NR6A1: variants seen among roughly 807,000 people sequenced by gnomAD.
NR6A1 encodes nuclear receptor subfamily 6 group A member 1.
NR6A1 carries 7 observed loss-of-function variants against 59.1 expected under a neutral mutation model. The ratio of observed to expected loss-of-function variants is 0.12; its 90% CI spans 0.07 to 0.22. NR6A1 has a LOEUF of 0.22. NR6A1 is among the 10% of genes least tolerant of loss of function. The pLI, the probability that NR6A1 is intolerant of heterozygous loss-of-function variation, is 1.00. For synonymous variants in NR6A1, 243 were observed against 236.1 expected (o/e 1.03, Z -0.27); for missense variants, 468 against 611.6 (o/e 0.77, Z 2.48).
At chr9:124,757,811 G>A (rs1237671308) in intron 1 of NR6A1, among the ~76,000 whole-genome samples, 1 of 152,148 alleles carries the variant, frequency 6.6e-6, no homozygotes, top group Non-Finnish European at 1.5e-5. Flanking sequence ...TTCCAAACAA[G>A]GCATTTGAAA....
In NR6A1 at chr9:124,733,333, T is replaced by C. The variant is rs1401785099; in HGVS notation, c.117A>G (p.Glu39=). The part of the protein sequence containing the change: ...PPPRNGFCQD[E]LAELDPGTIS... ...TAGTGCCTGGGTCAAGCTCTGCCAA[T>C]TCATCCTGACAGAAACCTAAAGAGA... The change falls in exon 2 of 10, where the codon GAA becomes GAG. Residue 39 remains glutamate (E), a synonymous_variant. Transcript: ENST00000487099. 6.2e-7 allele frequency: 1 copy of C among 1,613,116 alleles called. No individual in the cohort carries two copies. The highest frequency in any genetic ancestry group is 8.5e-7 in the Non-Finnish European group (1 of 1,179,166).
chr9:124,663,025 A>G (rs1172258575), intron 2 of NR6A1, among the ~76,000 whole-genome samples: 2 of 152,272 alleles, frequency 1.3e-5, no homozygotes, highest in Non-Finnish European at 2.9e-5. Flanking sequence ...AGAAGCATAC[A>G]GAAAAACTTT....
chr9:124,731,795 C>A (rs1385594500), intron 2 of NR6A1, among the ~76,000 whole-genome samples: 7 of 152,086 alleles, frequency 4.6e-5, no homozygotes, highest in African/African-American at 1.7e-4. Flanking sequence ...ATATAACATA[C>A]AAAATTATGT....
At chr9:124,626,085 C>T (rs983196827) in intron 2 of NR6A1, among the ~76,000 whole-genome samples, 3 of 152,242 alleles carry the variant, frequency 2.0e-5, no homozygotes, top group Non-Finnish European at 2.9e-5. Context: ...CAGCTTACTG[C>T]AACCTCTGCC....
intron 2 of NR6A1, among the ~76,000 whole-genome samples, chr9:124,704,323 T>C (rs189520118): frequency 9.9e-5 from 15 of 152,232 alleles, no homozygotes; most frequent in Non-Finnish European, 1.5e-5. Context: ...GTTTCACTGA[T>C]TTTTCTCAAC....
intron 1 of NR6A1, among the ~76,000 whole-genome samples, chr9:124,765,359 G>A (rs1840901194): frequency 6.6e-6 from 1 of 152,030 alleles, no homozygotes; most frequent in African/African-American, 2.4e-5. Context: ...TATTAAAACA[G>A]CCCCCGAAAT....
chr9:124,580,389 TGAG>T (rs1204966420), intron 2 of NR6A1, among the ~76,000 whole-genome samples: 1 of 152,098 alleles, frequency 6.6e-6, no homozygotes, highest in Non-Finnish European at 1.5e-5. Context: ...AGCAGTCAGC[TGAG>T]GGTATGACCA....
chr9:124,540,336 T>C, intron 4 of NR6A1, 149 bp from the exon 5 acceptor site: 1 of 831,496 alleles, frequency 1.2e-6, no homozygotes, highest in Non-Finnish European at 1.8e-6. Context: ...TCACTAATCT[T>C]AGGACGGCGT....
chr9:124,573,269 T>G lies in NR6A1; in HGVS notation c.143-18699A>C, dbSNP rs531588914. On this transcript the variant is annotated intron_variant, in intron 2 of 9. Transcript: ENST00000487099. ...TGTAATTTCTCCTACATGGGTAAAA[T>G]TTCAGTGCTTCAGTGCTTAAAGGGG... Among the ~76,000 whole-genome samples the G allele has an allele frequency of 1.6e-4, 24 of 152,250 alleles. No homozygotes were observed. In the South Asian group the frequency reaches 4.8e-3, roughly 30 times the overall value.
chr9:124,670,272 G>A lies in NR6A1; in HGVS notation c.142+63036C>T, dbSNP rs1445320732. 5.3e-5 allele frequency among the ~76,000 whole-genome samples: 8 copies of A among 151,510 alleles called. 1 individual carries two copies. Among genetic ancestry groups the A allele is most frequent in the Admixed American group, 3.3e-4 (5 of 15,212 alleles). Reference sequence around the variant, plus strand: ...CCAGCTGTGATGGCACATGCCTACCGTCCCAGCTACTTGAGAGGCTGAGGC... The same window carrying A: ...CCAGCTGTGATGGCACATGCCTACCATCCCAGCTACTTGAGAGGCTGAGGC... On this transcript the variant is annotated intron_variant, in intron 2 of 9. Coordinates refer to ENST00000487099, the MANE Select transcript of NR6A1 (RefSeq NM_033334.4).
chr9:124,656,558 C>T (rs1290260316), intron 2 of NR6A1, among the ~76,000 whole-genome samples: 2 of 152,038 alleles, frequency 1.3e-5, no homozygotes, highest in African/African-American at 2.4e-5. Flanking sequence ...AGGCTAGGCA[C>T]GGTGGGCTCA....
rs890133184 is a variant in NR6A1, at chr9:124,764,150, C to T, written c.100+6870G>A. Among the ~76,000 whole-genome samples the T allele has an allele frequency of 3.3e-5, 5 of 151,070 alleles. 1 individual carries two copies. In the South Asian group the frequency reaches 1.0e-3, roughly 32 times the overall value. ...AGTGAGCAGAGATCGCACCGCTGCA[C>T]TCCAGCCTGGGCAACAGAGTGAGAC... On this transcript the variant is annotated intron_variant, in intron 1 of 9. Coordinates refer to ENST00000487099, the MANE Select transcript of NR6A1 (RefSeq NM_033334.4).
intron 3 of NR6A1, among the ~76,000 whole-genome samples, chr9:124,553,549 C>CTTTTTTTTTTTTTTGTTTTTTT (rs1833840864): frequency 2.1e-5 from 1 of 47,324 alleles, no homozygotes; most frequent in Non-Finnish European, 4.0e-5. Context: ...TTTAGCTTGA[C>CTTTTTTTTTTTTTTGTTTTTTT]TTTTTTTTTT....
At position 124,707,113 on chromosome 9, in the gene NR6A1, T is replaced by C. The variant is rs560198366; in HGVS notation, c.142+26195A>G. 3.6e-4 allele frequency among the ~76,000 whole-genome samples: 55 copies of C among 151,848 alleles called. 1 individual carries two copies. The highest frequency in any genetic ancestry group is 6.8e-4 in the Non-Finnish European group (46 of 68,030). On this transcript the variant is annotated intron_variant, in intron 2 of 9. Transcript: ENST00000487099. ...AATATTTTCCTGCCCCTTTCTCTCA[T>C]TCTTCTCCTCCCATGAGTCTCATTA... is the stretch of plus-strand genomic sequence containing the variant.
At chr9:124,617,938 G>C (rs1197905612) in intron 2 of NR6A1, among the ~76,000 whole-genome samples, 1 of 152,076 alleles carries the variant, frequency 6.6e-6, no homozygotes, top group African/African-American at 2.4e-5. Context: ...ATATATACTG[G>C]CCATGCCAAA....
chr9:124,757,318 A>G (rs1840660557), intron 1 of NR6A1, among the ~76,000 whole-genome samples: 1 of 152,200 alleles, frequency 6.6e-6, no homozygotes, highest in Admixed American at 6.5e-5. Context: ...CCAGCAATGA[A>G]AAACAATGGG....
intron 1 of NR6A1, among the ~76,000 whole-genome samples, chr9:124,749,093 T>C (rs1393792400): frequency 6.6e-6 from 1 of 151,872 alleles, no homozygotes; most frequent in East Asian, 1.9e-4. Flanking sequence ...AGAAACTCCA[T>C]CTCTACTAAA....
At chr9:124,603,553 T>A (rs1168035647) in intron 2 of NR6A1, among the ~76,000 whole-genome samples, 1 of 152,200 alleles carries the variant, frequency 6.6e-6, no homozygotes, top group African/African-American at 2.4e-5. Flanking sequence ...GATCAATATG[T>A]CATTTGCTGG....
chr9:124,519,406 A>G lies in NR6A1; in HGVS notation c.*3299T>C, dbSNP rs1832750535. ...ATTTCTCCAGATTAACGACGAGACC[A>G]CCAAACCTTGCAAAGGACTCCAAAA... is the stretch of plus-strand genomic sequence containing the variant. On this transcript the variant is annotated 3_prime_UTR_variant, in exon 10 of 10. Transcript: ENST00000487099. The G allele has an allele frequency of 2.0e-5, 3 of 152,224 alleles. No individual in the cohort carries two copies. The highest frequency in any genetic ancestry group is 4.8e-5 in the African/African-American group (2 of 41,450). The allele number at this position is 152,224 out of a possible 1,614,324, so 9.4% of individuals were successfully genotyped here.
Sources: allele counts gnomAD v4.1 joint callset (sites outside exome capture counted in the v4.1 genomes callset), GRCh38; gene constraint gnomAD v4.1.1; transcripts MANE v1.5; gene names NCBI Gene and HGNC (gene_info 2026-07-23, HGNC 2026-07-21).